The following SLC4A10 variants were observed in gnomAD, a reference collection of about 807,000 sequenced individuals.
The protein encoded by SLC4A10 is solute carrier family 4 member 10.
Under a neutral mutation model 137.7 loss-of-function variants are expected in SLC4A10, and 42 were observed. The observed-to-expected ratio is 0.30, with a 90% CI of 0.24 to 0.39. The LOEUF (loss-of-function observed/expected upper bound fraction) is 0.39, where lower values mean the gene tolerates loss of function less well. Ranked by LOEUF, SLC4A10 falls within the 10% of genes least tolerant of loss-of-function variation. The pLI is 1.00. For synonymous variants in SLC4A10, 474 were observed against 464.1 expected (o/e 1.02, Z -0.27); for missense variants, 925 against 1,355.0 (o/e 0.68, Z 4.98).
intron 1 of SLC4A10, among the ~76,000 whole-genome samples, chr2:161,625,299 A>G (rs1003693399): frequency 6.6e-6 from 1 of 151,882 alleles, no homozygotes; most frequent in Non-Finnish European, 1.5e-5. Context: ...TGTGTAAGTG[A>G]TGGATTTGCC....
intron 3 of SLC4A10, among the ~76,000 whole-genome samples, chr2:161,810,647 T>C (rs1195820042): frequency 6.6e-6 from 1 of 152,100 alleles, no homozygotes; most frequent in African/African-American, 2.4e-5. Flanking sequence ...ATTTTGATTC[T>C]GTTTATGCGA....
At chr2:161,653,781 G>A (rs534560926) in intron 1 of SLC4A10, among the ~76,000 whole-genome samples, 4 of 152,162 alleles carry the variant, frequency 2.6e-5, no homozygotes, top group Non-Finnish European at 4.4e-5. Context: ...TTCTTTATGC[G>A]TTCATCCATC....
chr2:161,695,529 T>C (rs1007476812), intron 1 of SLC4A10, among the ~76,000 whole-genome samples: 1 of 152,166 alleles, frequency 6.6e-6, no homozygotes, highest in Non-Finnish European at 1.5e-5. Context: ...AGTGTAGTTC[T>C]TTGAAGACTT....
chr2:161,702,374 T>G (rs1236864675), intron 1 of SLC4A10, among the ~76,000 whole-genome samples: 2 of 151,910 alleles, frequency 1.3e-5, no homozygotes, highest in East Asian at 3.9e-4. Context: ...TTTTAAACAA[T>G]GAAAACTTTT....
At chr2:161,952,904 C>G (rs1432794328) in intron 19 of SLC4A10, among the ~76,000 whole-genome samples, 1 of 152,198 alleles carries the variant, frequency 6.6e-6, no homozygotes, top group African/African-American at 2.4e-5. Flanking sequence ...TAGTCCTTCT[C>G]CCCGCCTGTT....
chr2:161,928,377 TGG>T (rs1192535226), intron 15 of SLC4A10, among the ~76,000 whole-genome samples: 1 of 58,026 alleles, frequency 1.7e-5, no homozygotes. Context: ...TGTTGTGGGG[TGG>T]GGGGAGGGGG....
chr2:161,816,954 C>G (rs914805102), intron 3 of SLC4A10, among the ~76,000 whole-genome samples: 4 of 152,150 alleles, frequency 2.6e-5, no homozygotes, highest in Non-Finnish European at 4.4e-5. Flanking sequence ...GTGCATGTGT[C>G]TTTATGGCAG....
intron 1 of SLC4A10, among the ~76,000 whole-genome samples, chr2:161,756,065 G>A (rs745626728): frequency 6.6e-6 from 1 of 151,954 alleles, no homozygotes; most frequent in Non-Finnish European, 1.5e-5. Flanking sequence ...CACCGCACCT[G>A]GCCCCTTTAA....
chr2:161,970,374 T>C (rs1365916662), intron 23 of SLC4A10, among the ~76,000 whole-genome samples: 1 of 152,222 alleles, frequency 6.6e-6, no homozygotes, highest in Non-Finnish European at 1.5e-5. Context: ...ATTATAAAAA[T>C]AACACTTATG....
intron 15 of SLC4A10, among the ~76,000 whole-genome samples, chr2:161,942,484 TTA>T (rs1692893213): frequency 6.6e-6 from 1 of 152,172 alleles, no homozygotes; most frequent in South Asian, 2.1e-4. Flanking sequence ...TTTTACAATA[TTA>T]ACTACATAGT....
intron 11 of SLC4A10, among the ~76,000 whole-genome samples, chr2:161,895,584 G>A (rs1327361184): frequency 6.6e-6 from 1 of 152,084 alleles, no homozygotes; most frequent in East Asian, 1.9e-4. Context: ...GTTGTTTCCT[G>A]ACTTTTTAAT....
intron 4 of SLC4A10, among the ~76,000 whole-genome samples, chr2:161,851,058 A>G (rs2059803182): frequency 6.6e-6 from 1 of 152,078 alleles, no homozygotes; most frequent in Non-Finnish European, 1.5e-5. Context: ...TTTTTACTGC[A>G]TTGTGTTCTG....
At chr2:161,637,537 A>G (rs565066578) in intron 1 of SLC4A10, among the ~76,000 whole-genome samples, 1 of 152,118 alleles carries the variant, frequency 6.6e-6, no homozygotes, top group Admixed American at 6.6e-5. Flanking sequence ...TCATTTATTG[A>G]TGGACACTTA....
At chr2:161,636,323 T>C (rs2034383000) in intron 1 of SLC4A10, among the ~76,000 whole-genome samples, 1 of 152,170 alleles carries the variant, frequency 6.6e-6, no homozygotes, top group South Asian at 2.1e-4. Context: ...AGGATTTCAT[T>C]CTTTTTTGTG....
At chr2:161,798,241 G>A (rs1182226250) in intron 2 of SLC4A10, among the ~76,000 whole-genome samples, 1 of 151,904 alleles carries the variant, frequency 6.6e-6, no homozygotes, top group Admixed American at 6.6e-5. Context: ...TCAGCTTAAT[G>A]TACTTGACCT....
intron 1 of SLC4A10, among the ~76,000 whole-genome samples, chr2:161,754,755 A>G (rs1420876368): frequency 6.6e-6 from 1 of 152,206 alleles, no homozygotes; most frequent in African/African-American, 2.4e-5. Flanking sequence ...CTACTATGTA[A>G]GAAAATAAGG....
intron 15 of SLC4A10, among the ~76,000 whole-genome samples, chr2:161,919,898 G>C (rs536526995): frequency 6.6e-6 from 1 of 152,282 alleles, no homozygotes; most frequent in South Asian, 2.1e-4. Flanking sequence ...CACCCTCTTT[G>C]GGGCTCTGCA....
chr2:161,869,170 A>G (rs1393478501), intron 6 of SLC4A10, among the ~76,000 whole-genome samples: 1 of 151,658 alleles, frequency 6.6e-6, no homozygotes, highest in Admixed American at 6.6e-5. Context: ...CTATTAGGAA[A>G]ATTTTTACTT....
intron 1 of SLC4A10, among the ~76,000 whole-genome samples, chr2:161,712,543 C>G (rs1006271299): frequency 3.3e-5 from 5 of 151,644 alleles, no homozygotes; most frequent in Non-Finnish European, 5.9e-5. Context: ...TATTTCTTGG[C>G]ATTTTTATTC....
Sources: allele counts gnomAD v4.1 joint callset (sites outside exome capture counted in the v4.1 genomes callset), GRCh38; gene constraint gnomAD v4.1.1; transcripts MANE v1.5; gene names NCBI Gene and HGNC (gene_info 2026-07-23, HGNC 2026-07-21).